The following STK39 variants were observed in gnomAD, a reference collection of about 807,000 sequenced individuals.
STK39 encodes STE20/SPS1-related proline-alanine-rich protein kinase.
Under a neutral mutation model 77.8 loss-of-function variants are expected in STK39, and 20 were observed. The ratio of observed to expected loss-of-function variants is 0.26; its 90% CI spans 0.18 to 0.37. The LOEUF is 0.37. Ranked by LOEUF, STK39 falls within the 10% of genes least tolerant of loss-of-function variation. The pLI is 1.00. For missense variants in STK39, 479 were observed against 656.5 expected (o/e 0.73, Z 2.95); for synonymous variants, 246 against 234.1 (o/e 1.05, Z -0.47).
intron 16 of STK39, among the ~76,000 whole-genome samples, chr2:167,995,934 A>G (rs1253752755): frequency 6.6e-6 from 1 of 152,198 alleles, no homozygotes; most frequent in Non-Finnish European, 1.5e-5. Context: ...CATGGGGCCC[A>G]GGCTCAGAGG....
At chr2:168,225,048 C>T (rs992614141) in intron 1 of STK39, among the ~76,000 whole-genome samples, 2 of 152,190 alleles carry the variant, frequency 1.3e-5, no homozygotes, top group Non-Finnish European at 1.5e-5. Context: ...AGTTCATGAT[C>T]ACTGACATAT....
At chr2:168,169,298 T>C (rs1053113796) in intron 2 of STK39, among the ~76,000 whole-genome samples, 2 of 152,168 alleles carry the variant, frequency 1.3e-5, no homozygotes, top group African/African-American at 4.8e-5. Context: ...CAATAGCATC[T>C]GCTCAGTGCG....
intron 8 of STK39, among the ~76,000 whole-genome samples, chr2:168,136,107 G>T (rs576912698): frequency 6.6e-6 from 1 of 151,824 alleles, no homozygotes; most frequent in Non-Finnish European, 1.5e-5. Context: ...GGTAGCTCAT[G>T]CCTGTAATCC....
chr2:168,072,736 T>C (rs10191673), intron 12 of STK39, among the ~76,000 whole-genome samples: 19,956 of 152,226 alleles, frequency 0.13, 1,622 homozygotes, highest in Middle Eastern at 0.18. Context: ...CATGCTTTGC[T>C]TACAGAAAGC....
At chr2:168,198,788 G>C (rs962245005) in intron 1 of STK39, among the ~76,000 whole-genome samples, 2 of 152,222 alleles carry the variant, frequency 1.3e-5, no homozygotes, top group African/African-American at 4.8e-5. Context: ...AACACTTCAA[G>C]AGACAACTCT....
intron 16 of STK39, among the ~76,000 whole-genome samples, chr2:168,009,342 A>G (rs932666300): frequency 6.6e-5 from 10 of 152,228 alleles, no homozygotes; most frequent in African/African-American, 2.4e-4. Context: ...TAGTTTGTCA[A>G]ATAATCAGCA....
intron 14 of STK39, among the ~76,000 whole-genome samples, chr2:168,057,551 C>G (rs1013751151): frequency 1.3e-5 from 2 of 152,098 alleles, no homozygotes; most frequent in African/African-American, 4.8e-5. Context: ...CACGTGCACA[C>G]ACACACACGC....
At chr2:168,093,128 C>T (rs1686569596) in intron 10 of STK39, among the ~76,000 whole-genome samples, 1 of 152,240 alleles carries the variant, frequency 6.6e-6, no homozygotes, top group African/African-American at 2.4e-5. Flanking sequence ...ATCTTCCAAA[C>T]AGTCTGTAAG....
rs761980959 is a variant in STK39, at chr2:168,181,969, G to A, written c.321+9C>T. On this transcript the variant is annotated intron_variant, in intron 2 of 17. Transcript: ENST00000355999. ...GCAACCAGCAGGTATTCCCTGCACT[G>A]TTACTTACTAATAGTTCATCCATAC... 2 of 1,610,470 alleles carry A rather than the reference G, an allele frequency of 1.2e-6. No homozygotes were observed. The highest frequency in any genetic ancestry group is 1.7e-6 in the Non-Finnish European group (2 of 1,176,868).
chr2:168,153,049 T>A (rs1387576887), intron 5 of STK39, among the ~76,000 whole-genome samples: 2 of 152,192 alleles, frequency 1.3e-5, no homozygotes. Context: ...CACACCATTG[T>A]TTTACAAAGT....
At chr2:168,189,411 T>TAA (rs5836177) in intron 1 of STK39, among the ~76,000 whole-genome samples, 15 of 147,048 alleles carry the variant, frequency 1.0e-4, no homozygotes, top group Admixed American at 2.0e-4. Flanking sequence ...AAGCAACAAC[T>TAA]AAAAAAAAAA....
chr2:168,173,547 T>TTATA (rs1172759118), intron 2 of STK39, among the ~76,000 whole-genome samples: 21 of 120,708 alleles, frequency 1.7e-4, no homozygotes, highest in African/African-American at 8.5e-4. Context: ...ATTTTTTTAT[T>TTATA]TATATTTATA....
intron 1 of STK39, among the ~76,000 whole-genome samples, chr2:168,229,567 G>C (rs1409827302): frequency 6.6e-6 from 1 of 152,046 alleles, no homozygotes; most frequent in Non-Finnish European, 1.5e-5. Flanking sequence ...AATTCTTTTT[G>C]AAAAACTGTG....
chr2:168,017,342 C>A (rs1452368515), intron 14 of STK39, among the ~76,000 whole-genome samples: 3 of 145,806 alleles, frequency 2.1e-5, no homozygotes, highest in East Asian at 4.0e-4. Flanking sequence ...ACAAAATGTT[C>A]ATTTTATAAA....
chr2:168,209,240 C>T (rs1197766515), intron 1 of STK39, among the ~76,000 whole-genome samples: 2 of 152,052 alleles, frequency 1.3e-5, no homozygotes, highest in Non-Finnish European at 2.9e-5. Context: ...AATCAAATAA[C>T]TTTTAATAAG....
chr2:168,130,392 A>T (rs1201518539), intron 8 of STK39, among the ~76,000 whole-genome samples: 1 of 152,184 alleles, frequency 6.6e-6, no homozygotes, highest in Non-Finnish European at 1.5e-5. Flanking sequence ...GTAAACTCTA[A>T]GTGAGGTCTG....
At chr2:167,970,408 C>T (rs184671749) in intron 16 of STK39, among the ~76,000 whole-genome samples, 40 of 152,206 alleles carry the variant, frequency 2.6e-4, no homozygotes, top group Non-Finnish European at 4.7e-4. Flanking sequence ...TATCAGTGCC[C>T]AGCACAATGT....
At chr2:167,976,379 T>G (rs202112673) in intron 16 of STK39, among the ~76,000 whole-genome samples, 1 of 152,340 alleles carries the variant, frequency 6.6e-6, no homozygotes, top group African/African-American at 2.4e-5. Context: ...TTTTCTGGGC[T>G]TAGGCCAGCT....
intron 14 of STK39, among the ~76,000 whole-genome samples, chr2:168,058,948 T>G (rs557087522): frequency 3.3e-5 from 5 of 152,328 alleles, no homozygotes; most frequent in Admixed American, 6.5e-5. Flanking sequence ...AACAGTAAAA[T>G]CCAAAGTCTT....
Sources: allele counts gnomAD v4.1 joint callset (sites outside exome capture counted in the v4.1 genomes callset), GRCh38; gene constraint gnomAD v4.1.1; transcripts MANE v1.5; gene names NCBI Gene and HGNC (gene_info 2026-07-23, HGNC 2026-07-21).